The following CACHD1 variants were observed in gnomAD, a reference collection of about 807,000 sequenced individuals.
The protein encoded by CACHD1 is cache domain containing 1.
A neutral mutation model predicts 138.7 loss-of-function variants in CACHD1; 71 were observed. The ratio of observed to expected loss-of-function variants is 0.51; its 90% CI spans 0.42 to 0.62. The LOEUF is 0.62. Among genes scored for constraint, CACHD1 ranks in the 20% least tolerant of loss-of-function variants. The pLI, the probability that CACHD1 is intolerant of heterozygous loss-of-function variation, is 0.00. For missense variants in CACHD1, 1,389 were observed against 1,625.3 expected (o/e 0.85, Z 2.50); for synonymous variants, 578 against 591.5 (o/e 0.98, Z 0.33).
intron 2 of CACHD1, among the ~76,000 whole-genome samples, chr1:64,557,772 TTTTCTCTTTTTAAAAAA>T (rs1197113131): frequency 6.6e-6 from 1 of 151,604 alleles, no homozygotes. Context: ...TTCTTTTTCT[TTTTCTCTTTTTAAAAAA>T]TTATTATTAT....
At chr1:64,480,886 C>CTTTTTTTTTTTTTTTTTTTTTTTTTTT (rs530847374) in intron 1 of CACHD1, among the ~76,000 whole-genome samples, 13 of 140,560 alleles carry the variant, frequency 9.2e-5, no homozygotes, top group African/African-American at 3.4e-4. Context: ...CTCTCTCTCC[C>CTTTTTTTTTTTTTTTTTTTTTTTTTTT]TTTTTTTTTT....
Position 64,664,569 on chromosome 1 carries a change from T to A in CACHD1, c.2166T>A (p.Ser722Arg), listed in dbSNP as rs1649565849. 6.2e-7 allele frequency: 1 copy of A among 1,613,984 alleles called. No homozygotes were observed. Among genetic ancestry groups the A allele is most frequent in the Non-Finnish European group, 8.5e-7 (1 of 1,179,992 alleles). ...AATGGATGACACAAATGGAAATGAG[T>A]AGCCTGAACACTTACATTGTCCGCC... ...TDEWMTQMEM[S>R]SLNTYIVRRY... The change falls in exon 15 of 27, where the codon AGT becomes AGA. Residue 722 changes from serine to arginine, a missense_variant. Physicochemically the swap from Ser to Arg is moderately radical, Grantham distance 110. Transcript: ENST00000651257.
chr1:64,642,156 TGTCTC>T (rs1648739870), intron 8 of CACHD1, among the ~76,000 whole-genome samples, 187 bp downstream of exon 8: 1 of 152,238 alleles, frequency 6.6e-6, no homozygotes, highest in African/African-American at 2.4e-5. Context: ...TCTCTTCATC[TGTCTC>T]TCCAGTGAAC....
At chr1:64,481,962 A>G (rs1466331903) in intron 1 of CACHD1, among the ~76,000 whole-genome samples, 1 of 152,154 alleles carries the variant, frequency 6.6e-6, no homozygotes, top group East Asian at 1.9e-4. Context: ...TATTACAGAG[A>G]AGCCGTGAAC....
intron 1 of CACHD1, among the ~76,000 whole-genome samples, chr1:64,543,928 A>G (rs1229456536): frequency 8.2e-6 from 1 of 122,458 alleles, no homozygotes; most frequent in Non-Finnish European, 1.6e-5. Context: ...CATGTGATCC[A>G]CCGGCCTCGG....
At chr1:64,617,486 A>G (rs1025506043) in intron 4 of CACHD1, among the ~76,000 whole-genome samples, 28 of 152,104 alleles carry the variant, frequency 1.8e-4, no homozygotes, top group African/African-American at 6.5e-4. Flanking sequence ...TTATTTTTGC[A>G]TTATATAATC....
chr1:64,591,147 T>A (rs1278027948), intron 3 of CACHD1, among the ~76,000 whole-genome samples: 1 of 152,166 alleles, frequency 6.6e-6, no homozygotes, highest in Non-Finnish European at 1.5e-5. Flanking sequence ...AGTGACCTTA[T>A]GGGGGGATAA....
At chr1:64,486,391 CAT>C (rs766611243) in intron 1 of CACHD1, among the ~76,000 whole-genome samples, 28 of 138,912 alleles carry the variant, frequency 2.0e-4, no homozygotes, top group African/African-American at 6.5e-4. Context: ...CACACACACA[CAT>C]ACACATACAC....
chr1:64,513,717 C>T (rs1446680280), intron 1 of CACHD1, among the ~76,000 whole-genome samples: 1 of 152,076 alleles, frequency 6.6e-6, no homozygotes, highest in East Asian at 1.9e-4. Flanking sequence ...GTAAAGTAGG[C>T]CTTGAATGCC....
intron 1 of CACHD1, among the ~76,000 whole-genome samples, chr1:64,549,193 A>G (rs959762472): frequency 6.6e-6 from 1 of 152,220 alleles, no homozygotes; most frequent in African/African-American, 2.4e-5. Flanking sequence ...AATAGTGCCT[A>G]TCACAAAGGT....
chr1:64,544,600 A>G, intron 1 of CACHD1, among the ~76,000 whole-genome samples: 1 of 151,112 alleles, frequency 6.6e-6, no homozygotes, highest in Non-Finnish European at 1.5e-5. Flanking sequence ...ACACGTGCGC[A>G]CAAACACACA....
At chr1:64,569,541 A>G (rs1466872578) in intron 2 of CACHD1, among the ~76,000 whole-genome samples, 2 of 152,164 alleles carry the variant, frequency 1.3e-5, no homozygotes, top group Non-Finnish European at 2.9e-5. Flanking sequence ...TGGGTGTTGC[A>G]GGCAGGCCCA....
intron 26 of CACHD1, among the ~76,000 whole-genome samples, chr1:64,686,164 G>A (rs1650364956): frequency 6.6e-6 from 1 of 152,188 alleles, no homozygotes; most frequent in Non-Finnish European, 1.5e-5. Flanking sequence ...GTAGGATTGT[G>A]GCGTCATGAT....
intron 4 of CACHD1, among the ~76,000 whole-genome samples, chr1:64,619,815 A>G (rs773170203): frequency 3.3e-5 from 5 of 152,172 alleles, no homozygotes; most frequent in Non-Finnish European, 7.4e-5. Context: ...AAGCAAGATG[A>G]CTTACTAGAT....
chr1:64,610,120 G>A (rs1211155467), intron 4 of CACHD1, among the ~76,000 whole-genome samples: 3 of 152,112 alleles, frequency 2.0e-5, no homozygotes, highest in Non-Finnish European at 4.4e-5. Context: ...CAGCATGAAG[G>A]TAACCATCCC....
chr1:64,624,895 G>T (rs1358686653), intron 4 of CACHD1, among the ~76,000 whole-genome samples: 1 of 152,192 alleles, frequency 6.6e-6, no homozygotes, highest in Non-Finnish European at 1.5e-5. Context: ...AGTATATTTT[G>T]CATATCTTTG....
At chr1:64,528,309 TG>T (rs1335173047) in intron 1 of CACHD1, among the ~76,000 whole-genome samples, 3 of 152,252 alleles carry the variant, frequency 2.0e-5, no homozygotes, top group Non-Finnish European at 4.4e-5. Flanking sequence ...GAAAACCCTC[TG>T]ACTGTTAAAT....
intron 9 of CACHD1, among the ~76,000 whole-genome samples, chr1:64,649,053 T>C (rs1260523691): frequency 3.9e-5 from 6 of 152,334 alleles, no homozygotes; most frequent in Non-Finnish European, 7.3e-5. Flanking sequence ...ATTATATTTA[T>C]GTTTTGTTAG....
In CACHD1 at chr1:64,603,099, C is replaced by CTT. The variant is rs34372401; in HGVS notation, c.517+211_517+212dup. On this transcript the variant is annotated intron_variant, in intron 4 of 26. Transcript: ENST00000651257. ...GAAGAAGAAAAAATCAAGCTTACAT[C>CTT]TTTTTTTTTTTTTTTTTTTTTTTTT... 1.2e-3 allele frequency among the ~76,000 whole-genome samples: 75 copies of CTT among 64,892 alleles called. 2 individuals carry two copies. The highest frequency in any genetic ancestry group is 2.2e-3 in the East Asian group (4 of 1,778). 42.6% of individuals were successfully genotyped at this position (64,892 alleles called of 152,430 possible). A position where few individuals can be genotyped will look rare whatever the true frequency, so the allele number is the denominator to read the frequency against.
Sources: allele counts gnomAD v4.1 joint callset (sites outside exome capture counted in the v4.1 genomes callset), GRCh38; gene constraint gnomAD v4.1.1; transcripts MANE v1.5; gene names NCBI Gene and HGNC (gene_info 2026-07-23, HGNC 2026-07-21).